NYNRIN: variants seen among roughly 807,000 people sequenced by gnomAD.
NYNRIN encodes the protein NYN domain and retroviral integrase containing, also known as protein NYNRIN.
A neutral mutation model predicts 146.6 loss-of-function variants in NYNRIN; 86 were observed. That is an observed-to-expected ratio of 0.59 (90% confidence interval 0.49 to 0.70). The LOEUF (loss-of-function observed/expected upper bound fraction) is 0.70. Among genes scored for constraint, NYNRIN ranks in the 30% least tolerant of loss-of-function variants. The pLI, the probability that NYNRIN is intolerant of heterozygous loss-of-function variation, is 0.00. For synonymous variants in NYNRIN, 1,027 were observed against 1,001.3 expected, an observed-to-expected ratio of 1.03 and a Z score of -0.48; for missense variants, 2,191 against 2,377.7, an observed-to-expected ratio of 0.92 and a Z score of 1.63.
intron 2 of NYNRIN, among the ~76,000 whole-genome samples, chr14:24,402,556 G>A (rs1191232064): frequency 6.6e-6 from 1 of 152,190 alleles, no homozygotes; most frequent in Non-Finnish European, 1.5e-5. Context: ...CACACTAACT[G>A]TGAGCAGTAC....
chr14:24,408,013 C>T lies in NYNRIN; in HGVS notation c.343C>T (p.Pro115Ser). 1 of 1,613,902 alleles carries T rather than the reference C, an allele frequency of 6.2e-7. No individual in the cohort carries two copies. The highest frequency in any genetic ancestry group is 8.5e-7 in the Non-Finnish European group (1 of 1,179,902). The part of the protein sequence containing the change: ...STLAYLVPGP[P>S]GSLMVGGLTE... ...CCTTGCCTACCTGGTGCCTGGCCCC[C>T]CTGGCTCCCTGATGGTGGGCGGGCT... The change falls in exon 3 of 9, where the codon CCT (proline) becomes TCT (serine). Residue 115 changes from proline (P) to serine (S), a missense_variant. Pro to Ser is a moderately conservative substitution (Grantham distance 74). Around this residue, in one of 3 missense-constraint regions of NYNRIN, gnomAD observed 895 missense variants for 941.2 expected, o/e 0.95. Transcript: ENST00000382554.
In NYNRIN at chr14:24,413,422, T is replaced by TA. The variant is rs2042925468; in HGVS notation, c.2846+6dup. ...GTTTCTGAAGAAGCCAAACAGGTAA[T>TA]AGGTCAGACCTCCCCAGCCTCCCAG... On this transcript the variant is annotated splice_donor_region_variant and intron_variant, in intron 8 of 8. Transcript: ENST00000382554. 6.2e-7 allele frequency: 1 copy of TA among 1,602,194 alleles called. No homozygotes were observed. The highest frequency in any genetic ancestry group is 8.5e-7 in the Non-Finnish European group (1 of 1,173,634).
intron 8 of NYNRIN, among the ~76,000 whole-genome samples, 176 bp from the exon 9 acceptor site, chr14:24,414,420 A>T (rs536232812): frequency 6.6e-6 from 1 of 152,368 alleles, no homozygotes; most frequent in African/African-American, 2.4e-5. Context: ...TGGCCCATGC[A>T]TGAGGTAGAG....
Position 24,416,951 on chromosome 14 carries a change from G to C in NYNRIN, c.5202G>C (p.Gly1734=), listed in dbSNP as rs769918743. Residue 1734 remains glycine (G), a synonymous_variant, in exon 9 of 9, where the codon GGG becomes GGC. Coordinates refer to ENST00000382554, the MANE Select transcript of NYNRIN (RefSeq NM_025081.3). ...TCAAGGAGTTCATCTTCCTGCATGG[G>C]AAGAAGTGGGCGGCCTCCCTGCCTT... ...RALKEFIFLH[G]KKWAASLPLL... is the part of the protein sequence containing the mutation. The C allele has an allele frequency of 1.3e-6, 2 of 1,587,066 alleles. No homozygotes were observed. Among genetic ancestry groups the C allele is most frequent in the Admixed American group, 3.5e-5 (2 of 57,204 alleles).
Position 24,418,403 on chromosome 14 carries a change from C to G in NYNRIN, c.*957C>G, listed in dbSNP as rs1191358403. On this transcript the variant is annotated 3_prime_UTR_variant, in exon 9 of 9. Coordinates refer to ENST00000382554, the MANE Select transcript of NYNRIN (RefSeq NM_025081.3). ...ACCCCATCCCAAAGCCTACAGTCCTCTGCTCCTTCTACCTCCACTGTATCC... is the reference window on the plus strand; with the variant it reads ...ACCCCATCCCAAAGCCTACAGTCCTGTGCTCCTTCTACCTCCACTGTATCC... The G allele has an allele frequency of 2.6e-6, 1 of 389,098 alleles. No individual in the cohort carries two copies. The highest frequency in any genetic ancestry group is 5.1e-6 in the Non-Finnish European group (1 of 196,472). 24.1% of individuals were successfully genotyped at this position (389,098 alleles called of 1,614,324 possible).
chr14:24,415,026 G>A lies in NYNRIN; in HGVS notation c.3277G>A (p.Ala1093Thr), dbSNP rs777933278. Reference sequence around the variant, plus strand: ...GCTCACCATCCCCAGCAACTTCACCGCACTCTCCTTCTTCATGGGCTTCAT... The same window carrying A: ...GCTCACCATCCCCAGCAACTTCACCACACTCTCCTTCTTCATGGGCTTCAT... ...AQLTIPSNFT[A>T]LSFFMGFMDS... is the part of the protein sequence containing the mutation. Residue 1093 changes from alanine (A) to threonine (T), a missense_variant, in exon 9 of 9, where the codon GCA (alanine) becomes ACA (threonine). By Grantham distance (58) the Ala-to-Thr change is moderately conservative. Coordinates refer to ENST00000382554, the MANE Select transcript of NYNRIN (RefSeq NM_025081.3). 5.2e-5 allele frequency: 84 copies of A among 1,610,112 alleles called. No homozygotes were observed. The highest frequency in any genetic ancestry group is 5.0e-4 in the South Asian group (45 of 90,874).
At chr14:24,414,434 G>A (rs1442679966) in intron 8 of NYNRIN, among the ~76,000 whole-genome samples, 162 bp from the exon 9 acceptor site, 1 of 152,252 alleles carries the variant, frequency 6.6e-6, no homozygotes, top group Admixed American at 6.5e-5. Context: ...GGTAGAGGAA[G>A]TGTTTATAGG....
Position 24,413,053 on chromosome 14 carries a change from TTCACA to T in NYNRIN, c.2702_2706del (p.His901ProfsTer4). ...GGCATCATTGTCACCAATGAGCAGATTCACATCCTGATGAATAGTTCCAAGAAACT... is the reference window on the plus strand; with the variant it reads ...GGCATCATTGTCACCAATGAGCAGATTCCTGATGAATAGTTCCAAGAAACT... On this transcript the variant is annotated frameshift_variant, in exon 7 of 9. Coordinates refer to ENST00000382554, the MANE Select transcript of NYNRIN (RefSeq NM_025081.3). LOFTEE classifies it high-confidence loss of function. 1.2e-6 allele frequency: 2 copies of T among 1,602,092 alleles called. No homozygotes were observed. The highest frequency in any genetic ancestry group is 1.7e-6 in the Non-Finnish European group (2 of 1,174,224).
chr14:24,406,497 C>A (rs2042876388), intron 2 of NYNRIN, among the ~76,000 whole-genome samples: 1 of 152,108 alleles, frequency 6.6e-6, no homozygotes, highest in African/African-American at 2.4e-5. Flanking sequence ...TTGGGATGTC[C>A]ATCAGGTTTT....
intron 2 of NYNRIN, among the ~76,000 whole-genome samples, chr14:24,406,560 AG>A (rs1360350183): frequency 2.6e-5 from 4 of 152,212 alleles, no homozygotes; most frequent in African/African-American, 9.7e-5. Context: ...TCAGGCTCTG[AG>A]GAAGAAGTTG....
At chr14:24,410,272 G>A (rs2042904678) in intron 4 of NYNRIN, 64 bp downstream of exon 4, 1 of 1,353,176 alleles carries the variant, frequency 7.4e-7, no homozygotes, top group Non-Finnish European at 1.0e-6. Flanking sequence ...GCATCCCTGG[G>A]GGACAGAATG....
In NYNRIN at chr14:24,404,826, C is replaced by T. The variant is rs373281164; in HGVS notation, c.199-3043C>T. Among the ~76,000 whole-genome samples, 5 of 152,298 alleles carry T rather than the reference C, an allele frequency of 3.3e-5. No homozygotes were observed. The South Asian group carries it at 6.2e-4, about 19-fold the overall frequency. On this transcript the variant is annotated intron_variant, in intron 2 of 8. Transcript: ENST00000382554. ...TGAGTGGGAAGAATGAGTTTCTCTG[C>T]GTTTAGCTTGCATTGTATACATCAT...
At position 24,416,582 on chromosome 14, in the gene NYNRIN, C is replaced by G; in HGVS notation, c.4833C>G (p.Thr1611=). The change falls in exon 9 of 9, where the codon ACC becomes ACG. Residue 1611 remains threonine (T), a synonymous_variant. Coordinates refer to ENST00000382554, the MANE Select transcript of NYNRIN (RefSeq NM_025081.3). ...VIESPWPLRS[T]APWSNLQIEV... ...AGTCCCCATGGCCCCTCAGGTCGAC[C>G]GCCCCCTGGTCGAACCTGCAGATCG... is the stretch of plus-strand genomic sequence containing the variant. The G allele has an allele frequency of 6.2e-7, 1 of 1,613,950 alleles. No individual in the cohort carries two copies. Among genetic ancestry groups the G allele is most frequent in the Non-Finnish European group, 8.5e-7 (1 of 1,179,868 alleles).
At position 24,415,956 on chromosome 14, in the gene NYNRIN, G is replaced by A; in HGVS notation, c.4207G>A (p.Ala1403Thr). The A allele has an allele frequency of 1.2e-6, 2 of 1,613,826 alleles. No individual in the cohort carries two copies. The highest frequency in any genetic ancestry group is 1.3e-5 in the African/African-American group (1 of 75,046). ...RARGFLSSDG[A>T]PLPHPSLLSY... Reference sequence around the variant, plus strand: ...TCGGGGCTTCCTCTCCTCTGATGGGGCTCCACTCCCTCACCCAAGCCTGCT... The same window carrying A: ...TCGGGGCTTCCTCTCCTCTGATGGGACTCCACTCCCTCACCCAAGCCTGCT... Residue 1403 changes from alanine to threonine, a missense_variant, in exon 9 of 9, where the codon GCT becomes ACT. This residue lies in a region of NYNRIN where 1,291 missense variants were observed against 1,417.0 expected (regional missense o/e 0.91). Coordinates refer to ENST00000382554, the MANE Select transcript of NYNRIN (RefSeq NM_025081.3).
At position 24,399,285 on chromosome 14, in the gene NYNRIN, G is replaced by A. The variant is rs2042824878; in HGVS notation, c.39G>A (p.Trp13Ter). ...GGGGCGATCCTCCGGCGCAGGAATG[G>A]TTCATGGTGCAGACAAAATCGAAGC... The part of the protein sequence containing the change: ...LSGGDPPAQE[W>*]FMVQTKSKPR... The change falls in exon 2 of 9, where the codon TGG becomes TGA. Residue 13 changes from tryptophan to a stop codon, truncating the protein, a stop_gained. Coordinates refer to ENST00000382554, the MANE Select transcript of NYNRIN (RefSeq NM_025081.3). LOFTEE classifies it high-confidence loss of function. 1 of 1,613,886 alleles carries A rather than the reference G, an allele frequency of 6.2e-7. No homozygotes were observed. The highest frequency in any genetic ancestry group is 1.7e-5 in the Admixed American group (1 of 60,008).
chr14:24,415,425 ACC>A lies in NYNRIN; in HGVS notation c.3679_3680del (p.Pro1227GlyfsTer16), dbSNP rs765153611. 1 of 1,613,734 alleles carries A rather than the reference ACC, an allele frequency of 6.2e-7. No individual in the cohort carries two copies. The highest frequency in any genetic ancestry group is 8.5e-7 in the Non-Finnish European group (1 of 1,179,826). The part of the protein sequence containing the change: ...LKHFSRCIGD[T>X]PVVLDLSYAS... Reference sequence around the variant, plus strand: ...GCATTTTTCCCGCTGCATTGGAGACACCCCGGTGGTCCTGGACCTTTCCTATG... The same window carrying A: ...GCATTTTTCCCGCTGCATTGGAGACACCGGTGGTCCTGGACCTTTCCTATG... On this transcript the variant is annotated frameshift_variant, in exon 9 of 9. Transcript: ENST00000382554. LOFTEE classifies it high-confidence loss of function.
Position 24,415,360 on chromosome 14 carries a change from CAG to C in NYNRIN, c.3612_3613del (p.Gly1206Ter). Reference sequence around the variant, plus strand: ...GATGAGGAGAGCCAGGGCCCCCAGTCAGGGGGTGACAGCCCCTATGCTGTGGC... The same window carrying C: ...GATGAGGAGAGCCAGGGCCCCCAGTCGGGGTGACAGCCCCTATGCTGTGGC... On this transcript the variant is annotated frameshift_variant, in exon 9 of 9. Transcript: ENST00000382554. LOFTEE classifies it high-confidence loss of function. The C allele has an allele frequency of 2.5e-6, 4 of 1,613,970 alleles. No individual in the cohort carries two copies. Among genetic ancestry groups the C allele is most frequent in the Non-Finnish European group, 2.5e-6 (3 of 1,179,876 alleles).
At chr14:24,405,998 C>T (rs1056236049) in intron 2 of NYNRIN, among the ~76,000 whole-genome samples, 41 of 151,850 alleles carry the variant, frequency 2.7e-4, no homozygotes, top group African/African-American at 9.7e-4. Context: ...CCCATCTCTA[C>T]TAAAAATACA....
In NYNRIN at chr14:24,405,032, GAA is replaced by G. The variant is rs1164598374; in HGVS notation, c.199-2836_199-2835del. 1.8e-3 allele frequency among the ~76,000 whole-genome samples: 194 copies of G among 107,566 alleles called. 1 individual carries two copies. The highest frequency in any genetic ancestry group is 0.01 in the Admixed American group (84 of 8,158). 70.6% of individuals were successfully genotyped at this position (107,566 alleles called of 152,430 possible). A position where few individuals can be genotyped will look rare whatever the true frequency, so the allele number is the denominator to read the frequency against. On this transcript the variant is annotated intron_variant, in intron 2 of 8. Transcript: ENST00000382554. ...TGTGTGTGTGTGTGTGTGTGTGAGA[GAA>G]TGTGTGTGTGTGAATGTGTGTGAAT...
Sources: gnomAD v4.1 joint callset for allele counts (sites outside exome capture counted in the v4.1 genomes callset) on GRCh38, gnomAD v4.1.1 for gene constraint, gnomAD v4.1.1 regional missense constraint, MANE v1.5 for transcripts, NCBI Gene and HGNC (gene_info 2026-07-23, HGNC 2026-07-21) for gene names.